YIPF7: variants seen among roughly 807,000 people sequenced by gnomAD.
The protein encoded by YIPF7 is protein YIPF7.
Under a neutral mutation model 27.2 loss-of-function variants are expected in YIPF7, and 35 were observed. The observed-to-expected ratio is 1.29, with a 90% CI of 0.98 to 1.70. YIPF7 has a LOEUF of 1.70. YIPF7 is among the 40% of genes most tolerant of loss of function. YIPF7 has a pLI of 0.00. For missense variants in YIPF7, 358 were observed against 303.7 expected (o/e 1.18, Z -1.33); for synonymous variants, 137 against 110.4 (o/e 1.24, Z -1.51).
upstream of YIPF7, among the ~76,000 whole-genome samples, chr4:44,652,781 G>A (rs902561428): frequency 5.9e-5 from 9 of 152,098 alleles, no homozygotes; most frequent in African/African-American, 1.9e-4. Flanking sequence ...ACTGGGCATT[G>A]TTCTACAAAC....
chr4:44,660,706 A>T (rs985679180), intron 1 of YIPF7: 2 of 104,222 alleles, frequency 1.9e-5, no homozygotes, highest in African/African-American at 5.8e-5. Context: ...ACTAGAACAC[A>T]TTTGGTGAAT....
At chr4:44,658,925 TG>T (rs1713973499) in intron 2 of YIPF7, among the ~76,000 whole-genome samples, 1 of 152,210 alleles carries the variant, frequency 6.6e-6, no homozygotes, top group Non-Finnish European at 1.5e-5. Flanking sequence ...GTGGGAATTA[TG>T]GGAGCTACAA....
chr4:44,623,914 C>A (rs1464072299), intron 5 of YIPF7, among the ~76,000 whole-genome samples: 1 of 152,192 alleles, frequency 6.6e-6, no homozygotes. Flanking sequence ...TGCCTGAAAG[C>A]TGAAGCAATT....
At chr4:44,633,807 C>T (rs116313408) in intron 3 of YIPF7, among the ~76,000 whole-genome samples, 2,645 of 151,960 alleles carry the variant, frequency 0.017, 26 homozygotes, top group Non-Finnish European at 0.027. Context: ...GGAAAGAAAA[C>T]TCTTTAGATT....
intron 2 of YIPF7, among the ~76,000 whole-genome samples, chr4:44,657,869 A>C (rs1293669720): frequency 6.6e-6 from 1 of 151,988 alleles, no homozygotes; most frequent in African/African-American, 2.4e-5. Flanking sequence ...CGCTCTCAGG[A>C]TATATAGTGA....
chr4:44,635,832 T>C (rs927871878), intron 3 of YIPF7, 90 bp downstream of exon 3: 20 of 1,418,160 alleles, frequency 1.4e-5, no homozygotes, highest in Non-Finnish European at 1.9e-5. Context: ...TAAGACACTG[T>C]ACACTGCAGG....
intron 2 of YIPF7, among the ~76,000 whole-genome samples, chr4:44,637,592 A>C (rs1713173520): frequency 6.6e-6 from 1 of 151,804 alleles, no homozygotes; most frequent in South Asian, 2.1e-4. Flanking sequence ...TTCTTTTTTA[A>C]AAAAATTTTG....
intron 2 of YIPF7, among the ~76,000 whole-genome samples, chr4:44,644,092 A>G (rs2109594431): frequency 6.6e-6 from 1 of 152,258 alleles, no homozygotes; most frequent in Middle Eastern, 3.4e-3. Flanking sequence ...GCATCTAGAA[A>G]AGCCTCAGAC....
intron 2 of YIPF7, among the ~76,000 whole-genome samples, chr4:44,642,722 T>A (rs1713373737): frequency 6.6e-6 from 1 of 152,028 alleles, no homozygotes; most frequent in Non-Finnish European, 1.5e-5. Context: ...GAGATCTGAT[T>A]GTTTAAAAGT....
intron 1 of YIPF7, among the ~76,000 whole-genome samples, 179 bp from the exon 2 acceptor site, chr4:44,650,280 T>C (rs1198642175): frequency 2.6e-5 from 4 of 152,206 alleles, no homozygotes; most frequent in African/African-American, 9.6e-5. Flanking sequence ...GCTAGAAAGT[T>C]ATTTACAGAA....
rs532623434 is a variant in YIPF7 at position 44,622,470 on chromosome 4, C to G, written c.715G>C (p.Val239Leu). 6 of 1,613,842 alleles carry G rather than the reference C, an allele frequency of 3.7e-6. No homozygotes were observed. In the Admixed American group the frequency reaches 8.3e-5, roughly 22 times the overall value. ...ALHMEGQQLL[V>L]AYPCAILYGL... ...TAAAGTATGGCACAAGGGTAGGCAA[C>G]AAGAAGCTGCTGTCCTTCCATGTGC... The change falls in exon 6 of 6, where the codon GTT (valine) becomes CTT (leucine). Residue 239 changes from valine to leucine, a missense_variant. Coordinates refer to ENST00000415895, the MANE Select transcript of YIPF7 (RefSeq NM_182592.3).
At chr4:44,659,420 C>A (rs913340426) in intron 2 of YIPF7, among the ~76,000 whole-genome samples, 10 of 151,840 alleles carry the variant, frequency 6.6e-5, no homozygotes, top group Admixed American at 6.6e-4. Flanking sequence ...ACAATTGGAT[C>A]AGGGATATAG....
chr4:44,635,899 T>G, intron 3 of YIPF7, 23 bp downstream of exon 3: 1 of 1,612,416 alleles, frequency 6.2e-7, no homozygotes, highest in South Asian at 1.1e-5. Flanking sequence ...TGTACACACA[T>G]TAATAACACT....
intron 4 of YIPF7, 109 bp from the exon 5 acceptor site, chr4:44,624,891 G>T: frequency 1.0e-6 from 1 of 987,906 alleles, no homozygotes; most frequent in Non-Finnish European, 1.5e-6. Context: ...GCTGTTCCAT[G>T]TCTTTGTAGG....
intron 2 of YIPF7, among the ~76,000 whole-genome samples, chr4:44,642,304 C>A (rs1053860183): frequency 3.3e-5 from 5 of 152,112 alleles, no homozygotes; most frequent in African/African-American, 1.2e-4. Context: ...TACTAAAATT[C>A]CTCTACCACT....
intron 4 of YIPF7, among the ~76,000 whole-genome samples, chr4:44,627,547 T>G (rs977127128): frequency 2.0e-5 from 3 of 152,222 alleles, no homozygotes; most frequent in African/African-American, 7.2e-5. Flanking sequence ...AAATGAATTC[T>G]GAGTTAAATC....
intron 2 of YIPF7, among the ~76,000 whole-genome samples, chr4:44,637,040 T>C (rs955402407): frequency 1.3e-5 from 2 of 152,206 alleles, no homozygotes; most frequent in Non-Finnish European, 2.9e-5. Context: ...CTTAAGATAG[T>C]GATTTCCATT....
chr4:44,640,832 C>T (rs184523929), intron 2 of YIPF7, among the ~76,000 whole-genome samples: 12 of 152,162 alleles, frequency 7.9e-5, no homozygotes, highest in East Asian at 5.8e-4. Context: ...GTTCACACCC[C>T]GGTTCTGCAA....
In YIPF7 at chr4:44,638,643, T is replaced by C. The variant is rs551616414; in HGVS notation, c.117-2558A>G. 8.5e-5 allele frequency among the ~76,000 whole-genome samples: 13 copies of C among 152,318 alleles called. No individual in the cohort carries two copies. The South Asian group carries it at 2.7e-3, about 32-fold the overall frequency. On this transcript the variant is annotated intron_variant, in intron 2 of 5. Transcript: ENST00000415895. ...CTCCAAATATTTTCTCCCATTCTACTGGCTGTCTCTTTACTCTGTTGATTA... is the reference window on the plus strand; with the variant it reads ...CTCCAAATATTTTCTCCCATTCTACCGGCTGTCTCTTTACTCTGTTGATTA...
Sources: allele counts gnomAD v4.1 joint callset (sites outside exome capture counted in the v4.1 genomes callset), GRCh38; gene constraint gnomAD v4.1.1; transcripts MANE v1.5; gene names NCBI Gene and HGNC (gene_info 2026-07-23, HGNC 2026-07-21).